The following ZNF385D variants were observed in gnomAD, a reference collection of about 807,000 sequenced individuals.
ZNF385D encodes zinc finger protein 385D, also known as zinc finger protein 659.
ZNF385D carries 15 observed loss-of-function variants against 35.8 expected under a neutral mutation model. The ratio of observed to expected loss-of-function variants is 0.42; its 90% confidence interval spans 0.28 to 0.64. The LOEUF (loss-of-function observed/expected upper bound fraction) is 0.64. Ranked by LOEUF, ZNF385D falls within the 30% of genes least tolerant of loss-of-function variation. The pLI, the probability that ZNF385D is intolerant of heterozygous loss-of-function variation, is 0.23. For missense variants in ZNF385D, 474 were observed against 494.6 expected (o/e 0.96, Z 0.39); for synonymous variants, 212 against 186.8 (o/e 1.13, Z -1.10).
chr3:22,025,351 A>G (rs945919275), intron 3 of ZNF385D, among the ~76,000 whole-genome samples: 2 of 152,132 alleles, frequency 1.3e-5, no homozygotes, highest in African/African-American at 2.4e-5. Flanking sequence ...TTGTGGACCT[A>G]TAACTAAAGT....
chr3:21,806,825 C>A (rs947437365), intron 3 of ZNF385D, among the ~76,000 whole-genome samples: 1 of 152,170 alleles, frequency 6.6e-6, no homozygotes. Flanking sequence ...GGAGAAGACT[C>A]TCAAAGAGTG....
chr3:22,269,176 G>C (rs1701048715), intron 2 of ZNF385D, among the ~76,000 whole-genome samples: 1 of 151,866 alleles, frequency 6.6e-6, no homozygotes, highest in Admixed American at 6.6e-5. Context: ...CCAAGCCTGA[G>C]ACTTATTTAT....
At chr3:22,145,143 CTA>C (rs1704772543) in intron 3 of ZNF385D, among the ~76,000 whole-genome samples, 1 of 152,084 alleles carries the variant, frequency 6.6e-6, no homozygotes, top group Admixed American at 6.6e-5. Flanking sequence ...TGAGCTATTA[CTA>C]GAGACTTTCT....
At chr3:21,901,121 T>G (rs1386928681) in intron 3 of ZNF385D, among the ~76,000 whole-genome samples, 1 of 152,234 alleles carries the variant, frequency 6.6e-6, no homozygotes, top group Non-Finnish European at 1.5e-5. Flanking sequence ...CATTATTTTA[T>G]TTAATTCTCA....
chr3:22,130,479 C>T (rs755925653), intron 3 of ZNF385D, among the ~76,000 whole-genome samples: 2 of 152,156 alleles, frequency 1.3e-5, no homozygotes, highest in Non-Finnish European at 1.5e-5. Context: ...GTTCTGATAA[C>T]TGGGACGGAT....
At chr3:21,945,147 T>TGTATATATACGTATATGTATAC (rs1701715261) in intron 3 of ZNF385D, among the ~76,000 whole-genome samples, 2 of 141,050 alleles carry the variant, frequency 1.4e-5, no homozygotes, top group African/African-American at 5.5e-5. Flanking sequence ...TGTATATGCA[T>TGTATATATACGTATATGTATAC]ATATATATAC....
chr3:22,362,296 T>C (rs1358768611), intron 2 of ZNF385D, among the ~76,000 whole-genome samples: 1 of 151,934 alleles, frequency 6.6e-6, no homozygotes, highest in East Asian at 1.9e-4. Flanking sequence ...TTTTTTTTTA[T>C]TTATGAAGAA....
At chr3:21,422,466 G>A (rs1040933401) in intron 7 of ZNF385D, among the ~76,000 whole-genome samples, 1 of 152,102 alleles carries the variant, frequency 6.6e-6, no homozygotes, top group Admixed American at 6.5e-5. Flanking sequence ...CAAAATTGAG[G>A]AGGAACTTCT....
At chr3:22,353,488 C>T (rs1001895332) in intron 2 of ZNF385D, among the ~76,000 whole-genome samples, 17 of 152,152 alleles carry the variant, frequency 1.1e-4, no homozygotes, top group Admixed American at 2.6e-4. Context: ...TTTGAATTCA[C>T]GATGTCCTGA....
intron 2 of ZNF385D, among the ~76,000 whole-genome samples, chr3:21,647,988 A>G (rs904728700): frequency 2.0e-5 from 3 of 152,244 alleles, no homozygotes; most frequent in East Asian, 1.9e-4. Flanking sequence ...TGACAAATCT[A>G]GAGAACATCT....
chr3:22,242,606 T>A (rs73821337), intron 2 of ZNF385D, among the ~76,000 whole-genome samples: 8,762 of 150,750 alleles, frequency 0.058, 989 homozygotes, highest in African/African-American at 0.17. Context: ...GAAGGAAATA[T>A]TGAGGAAAGA....
intron 4 of ZNF385D, among the ~76,000 whole-genome samples, chr3:21,447,228 G>A (rs1702201926): frequency 6.6e-6 from 1 of 152,060 alleles, no homozygotes; most frequent in African/African-American, 2.4e-5. Flanking sequence ...AAAGGGAAAG[G>A]AAAAGGAAGA....
chr3:21,831,381 TATTTC>T lies in ZNF385D; in HGVS notation c.326-166358_326-166354del, dbSNP rs775092131. ...GAACATAGTAGGTAATCAAAAGTAT[TATTTC>T]TTTTCTATTTGTTCAACCCTTTCAT... On this transcript the variant is annotated intron_variant, in intron 3 of 5. Coordinates refer to the ZNF385D transcript ENST00000494108. Among the ~76,000 whole-genome samples the T allele has an allele frequency of 6.6e-5, 10 of 152,204 alleles. No individual in the cohort carries two copies. The East Asian group carries it at 1.5e-3, about 23-fold the overall frequency.
chr3:21,896,320 A>C (rs1699133055), intron 3 of ZNF385D, among the ~76,000 whole-genome samples: 1 of 152,180 alleles, frequency 6.6e-6, no homozygotes, highest in South Asian at 2.1e-4. Context: ...GGCTGCCTCA[A>C]GTATCTATAT....
chr3:21,942,077 G>T (rs2125276477), intron 3 of ZNF385D, among the ~76,000 whole-genome samples: 1 of 151,992 alleles, frequency 6.6e-6, no homozygotes, highest in East Asian at 1.9e-4. Context: ...ATATGTTATA[G>T]CTAAGGACAT....
At chr3:21,801,387 G>T (rs766882016) in intron 3 of ZNF385D, among the ~76,000 whole-genome samples, 5 of 152,136 alleles carry the variant, frequency 3.3e-5, no homozygotes, top group Non-Finnish European at 5.9e-5. Context: ...AGAGTTTTGG[G>T]AAGATAAGTG....
chr3:21,677,715 TAA>T (rs2066772222), intron 1 of ZNF385D, among the ~76,000 whole-genome samples: 5 of 151,976 alleles, frequency 3.3e-5, no homozygotes, highest in Admixed American at 3.3e-4. Context: ...TAATAACCAG[TAA>T]AATAATAATA....
At chr3:22,245,127 T>C (rs754623776) in intron 2 of ZNF385D, among the ~76,000 whole-genome samples, 1 of 152,104 alleles carries the variant, frequency 6.6e-6, no homozygotes, top group South Asian at 2.1e-4. Context: ...GAAACTGAGG[T>C]TCCAAAGTTT....
intron 5 of ZNF385D, among the ~76,000 whole-genome samples, chr3:21,429,109 G>A (rs1701169969): frequency 6.6e-6 from 1 of 151,264 alleles, no homozygotes; most frequent in Non-Finnish European, 1.5e-5. Flanking sequence ...TGGCATAAAG[G>A]AAAGATAGGT....
Sources: gnomAD v4.1 joint callset for allele counts (sites outside exome capture counted in the v4.1 genomes callset) on GRCh38, gnomAD v4.1.1 for gene constraint, MANE v1.5 for transcripts, NCBI Gene and HGNC (gene_info 2026-07-23, HGNC 2026-07-21) for gene names.